The following KHDRBS2 variants were observed in gnomAD, a reference collection of about 807,000 sequenced individuals.
KHDRBS2 encodes KH domain-containing, RNA-binding, signal transduction-associated protein 2.
In KHDRBS2, 26 loss-of-function variants were observed where a neutral mutation model predicts 44.3. The ratio of observed to expected loss-of-function variants is 0.59; its 90% confidence interval spans 0.43 to 0.81. KHDRBS2 has a LOEUF of 0.81. Ranked by LOEUF, KHDRBS2 falls within the 40% of genes least tolerant of loss-of-function variation. The pLI is 0.00. For missense variants in KHDRBS2, 476 were observed against 433.1 expected, an observed-to-expected ratio of 1.10 and a Z score of -0.88; for synonymous variants, 194 against 151.1, an observed-to-expected ratio of 1.28 and a Z score of -2.08.
chr6:61,638,735 CA>C, the KHDRBS2 span, among the ~76,000 whole-genome samples: 1 of 151,970 alleles, frequency 6.6e-6, no homozygotes, highest in Non-Finnish European at 1.5e-5. Flanking sequence ...ATTTATAGTT[CA>C]ACATATATAA....
At chr6:62,022,307 T>C (rs1253870176) in intron 3 of KHDRBS2, among the ~76,000 whole-genome samples, 1 of 151,796 alleles carries the variant, frequency 6.6e-6, no homozygotes, top group Non-Finnish European at 1.5e-5. Context: ...AGTAAAAATG[T>C]TTAGCCAATT....
In KHDRBS2 at chr6:61,971,713, T is replaced by G. The variant is rs557157676; in HGVS notation, c.483+6353A>C. 8.5e-5 allele frequency among the ~76,000 whole-genome samples: 13 copies of G among 152,184 alleles called. No individual in the cohort carries two copies. The East Asian group carries it at 2.3e-3, about 27-fold the overall frequency. ...ATTACCCTTGTTTGTATGGTGGTGG[T>G]CTTTGCCAGCAATTGATTTTCGTTG... On this transcript the variant is annotated intron_variant, in intron 4 of 8. Transcript: ENST00000281156.
intron 3 of KHDRBS2, among the ~76,000 whole-genome samples, chr6:61,980,189 C>T (rs1214358197): frequency 6.6e-6 from 1 of 152,172 alleles, no homozygotes; most frequent in Admixed American, 6.5e-5. Flanking sequence ...TAAACCCATA[C>T]TGCTCTTTGT....
At chr6:61,945,072 C>A (rs1457291508) in intron 4 of KHDRBS2, among the ~76,000 whole-genome samples, 2 of 113,014 alleles carry the variant, frequency 1.8e-5, no homozygotes, top group Non-Finnish European at 3.4e-5. Context: ...GTACGGAAGA[C>A]AGAGTGAGAC....
intron 8 of KHDRBS2, among the ~76,000 whole-genome samples, chr6:61,691,731 A>C (rs1367329410): frequency 6.6e-6 from 1 of 152,090 alleles, no homozygotes; most frequent in Non-Finnish European, 1.5e-5. Context: ...CTGCCAGTTA[A>C]CTTCATTTTC....
intron 2 of KHDRBS2, among the ~76,000 whole-genome samples, chr6:62,096,868 A>G (rs1800726263): frequency 6.6e-6 from 1 of 151,642 alleles, no homozygotes; most frequent in African/African-American, 2.4e-5. Context: ...TTCAAGAGGG[A>G]AGTTTATAAC....
the KHDRBS2 span, among the ~76,000 whole-genome samples, chr6:61,617,902 A>T: frequency 1.0e-3 from 154 of 152,272 alleles, no homozygotes; most frequent in South Asian, 2.1e-3. Flanking sequence ...TAACATAAAA[A>T]TTTTTTTAAA....
rs111458074 is a variant in KHDRBS2 at position 61,988,538 on chromosome 6, A to C, written c.337-10326T>G. Among the ~76,000 whole-genome samples, 1,181 of 150,910 alleles carry C rather than the reference A, an allele frequency of 7.8e-3. 7 individuals are homozygous for C. The highest frequency in any genetic ancestry group is 0.02 in the Middle Eastern group (6 of 294). The stretch of plus-strand genomic sequence containing the variant: ...AGAGGTGCTTGGAAAACAGTGTTGG[A>C]ATCTAATGACAAGACACAGAAAATG... On this transcript the variant is annotated intron_variant, in intron 3 of 8. Transcript: ENST00000281156.
At chr6:61,968,512 T>A (rs1466475215) in intron 4 of KHDRBS2, among the ~76,000 whole-genome samples, 2 of 152,046 alleles carry the variant, frequency 1.3e-5, no homozygotes, top group Non-Finnish European at 2.9e-5. Context: ...TTAATGAGTA[T>A]CTAAGAATGT....
chr6:62,057,906 T>G (rs1307228912), intron 2 of KHDRBS2, among the ~76,000 whole-genome samples: 1 of 151,836 alleles, frequency 6.6e-6, no homozygotes, highest in African/African-American at 2.4e-5. Flanking sequence ...GCAAAACGAG[T>G]GATTATCATA....
intron 6 of KHDRBS2, among the ~76,000 whole-genome samples, chr6:61,863,418 G>A (rs1408819780): frequency 6.6e-6 from 1 of 151,952 alleles, no homozygotes; most frequent in Non-Finnish European, 1.5e-5. Context: ...TTTTTGATGT[G>A]AGCATGCAGT....
the KHDRBS2 span, among the ~76,000 whole-genome samples, chr6:61,670,278 C>CA: frequency 2.0e-5 from 3 of 151,102 alleles, no homozygotes; most frequent in Non-Finnish European, 4.4e-5. Context: ...TCACTAGAAA[C>CA]AAAAAAATCT....
intron 4 of KHDRBS2, among the ~76,000 whole-genome samples, chr6:61,911,523 T>G (rs1036672064): frequency 2.6e-5 from 4 of 152,224 alleles, no homozygotes; most frequent in African/African-American, 9.6e-5. Context: ...CATGCTCAAT[T>G]CAACTTTGAT....
At chr6:61,831,065 T>TA (rs1299082842) in intron 6 of KHDRBS2, among the ~76,000 whole-genome samples, 1 of 152,144 alleles carries the variant, frequency 6.6e-6, no homozygotes, top group South Asian at 2.1e-4. Context: ...TTAACATACT[T>TA]AAAAATGCAC....
At chr6:62,124,026 A>T (rs535567612) in intron 2 of KHDRBS2, among the ~76,000 whole-genome samples, 1 of 152,278 alleles carries the variant, frequency 6.6e-6, no homozygotes, top group Admixed American at 6.5e-5. Context: ...ATATGTTTAA[A>T]CTGCTTTGGC....
At position 61,818,762 on chromosome 6, in the gene KHDRBS2, T is replaced by C. The variant is rs147582752; in HGVS notation, c.810+75873A>G. On this transcript the variant is annotated intron_variant, in intron 6 of 8. Transcript: ENST00000281156. ...CCAGAATCTGCTAAGTCCTGAAGGA[T>C]AGTAAAACTGGATTTCCAGATCCCC... is the stretch of plus-strand genomic sequence containing the variant. Among the ~76,000 whole-genome samples the C allele has an allele frequency of 5.2e-3, 795 of 152,122 alleles. 4 individuals are homozygous for C. Among genetic ancestry groups the C allele is most frequent in the African/African-American group, 0.018 (750 of 41,532 alleles).
At chr6:61,712,390 C>T (rs1334856598) in intron 7 of KHDRBS2, among the ~76,000 whole-genome samples, 1 of 151,736 alleles carries the variant, frequency 6.6e-6, no homozygotes, top group Non-Finnish European at 1.5e-5. Context: ...GCAAAAACAA[C>T]CTAGATTCAT....
At chr6:61,610,606 G>T in the KHDRBS2 span, among the ~76,000 whole-genome samples, 4 of 152,086 alleles carry the variant, frequency 2.6e-5, no homozygotes, top group Non-Finnish European at 4.4e-5. Context: ...TCACCATGTG[G>T]ACCTCTGCTT....
At chr6:61,983,117 T>G (rs1774214279) in intron 3 of KHDRBS2, among the ~76,000 whole-genome samples, 1 of 152,028 alleles carries the variant, frequency 6.6e-6, no homozygotes, top group Admixed American at 6.6e-5. Flanking sequence ...TAACCATAGT[T>G]TGGACTGGAA....
Sources: gnomAD v4.1 joint callset for allele counts (sites outside exome capture counted in the v4.1 genomes callset) on GRCh38, gnomAD v4.1.1 for gene constraint, MANE v1.5 for transcripts, NCBI Gene and HGNC (gene_info 2026-07-23, HGNC 2026-07-21) for gene names.